The following SPOCK3 variants were observed in gnomAD, a reference collection of about 807,000 sequenced individuals.
SPOCK3 encodes the protein testican-3.
SPOCK3 carries 30 observed loss-of-function variants against 56.6 expected under a neutral mutation model. That is an observed-to-expected ratio of 0.53 (90% CI 0.40 to 0.72). The LOEUF is 0.72. SPOCK3 is among the 30% of genes least tolerant of loss of function. The pLI, the probability that SPOCK3 is intolerant of heterozygous loss-of-function variation, is 0.00. For synonymous variants in SPOCK3, 196 were observed against 183.3 expected (o/e 1.07, Z -0.56); for missense variants, 527 against 530.0 (o/e 0.99, Z 0.06).
intron 6 of SPOCK3, among the ~76,000 whole-genome samples, chr4:166,806,689 G>A (rs1252785120): frequency 6.6e-6 from 1 of 151,850 alleles, no homozygotes; most frequent in African/African-American, 2.4e-5. Flanking sequence ...TGTTTCTTTG[G>A]ATTATTAGTG....
chr4:167,050,436 C>T (rs1311290064), intron 3 of SPOCK3, among the ~76,000 whole-genome samples: 1 of 151,998 alleles, frequency 6.6e-6, no homozygotes, highest in African/African-American at 2.4e-5. Flanking sequence ...AAAATTGGAA[C>T]CCTGTGGATT....
chr4:166,820,229 G>A (rs1465303569), intron 6 of SPOCK3, among the ~76,000 whole-genome samples: 1 of 152,018 alleles, frequency 6.6e-6, no homozygotes, highest in Admixed American at 6.6e-5. Context: ...TCACAAAAAA[G>A]TGATGACACA....
intron 5 of SPOCK3, among the ~76,000 whole-genome samples, chr4:166,900,819 G>A (rs990649293): frequency 2.0e-5 from 3 of 152,070 alleles, no homozygotes; most frequent in Non-Finnish European, 4.4e-5. Context: ...TTTAGTGATC[G>A]TAATGGGACC....
intron 5 of SPOCK3, among the ~76,000 whole-genome samples, chr4:166,898,896 T>C (rs1735699555): frequency 6.6e-6 from 1 of 152,150 alleles, no homozygotes; most frequent in Admixed American, 6.5e-5. Flanking sequence ...CCAGAAGGGA[T>C]GAGCATTTGA....
At chr4:167,053,371 C>T (rs1013461016) in intron 3 of SPOCK3, among the ~76,000 whole-genome samples, 1 of 152,070 alleles carries the variant, frequency 6.6e-6, no homozygotes, top group Non-Finnish European at 1.5e-5. Flanking sequence ...CATACCTCCT[C>T]TTTGGGAACT....
At chr4:166,989,493 T>G (rs1747539346) in intron 4 of SPOCK3, among the ~76,000 whole-genome samples, 1 of 152,130 alleles carries the variant, frequency 6.6e-6, no homozygotes, top group Non-Finnish European at 1.5e-5. Context: ...ATTCCAGTAT[T>G]TTTTGTGTCT....
At chr4:167,039,412 G>T (rs1384812733) in intron 3 of SPOCK3, among the ~76,000 whole-genome samples, 1 of 152,204 alleles carries the variant, frequency 6.6e-6, no homozygotes, top group African/African-American at 2.4e-5. Flanking sequence ...CTTCATAGGT[G>T]ACAATAACAC....
intron 2 of SPOCK3, among the ~76,000 whole-genome samples, chr4:167,186,288 C>T (rs1170081621): frequency 6.6e-6 from 1 of 152,114 alleles, no homozygotes; most frequent in East Asian, 1.9e-4. Context: ...AATACATATT[C>T]CAGCTTTACA....
chr4:167,215,919 T>G (rs759559186), intron 2 of SPOCK3, among the ~76,000 whole-genome samples: 5 of 152,158 alleles, frequency 3.3e-5, no homozygotes, highest in Non-Finnish European at 7.4e-5. Context: ...ATTTGCTCCC[T>G]GAGGCTGAGC....
intron 6 of SPOCK3, among the ~76,000 whole-genome samples, chr4:166,850,648 C>T (rs913711163): frequency 6.6e-6 from 1 of 152,246 alleles, no homozygotes; most frequent in East Asian, 1.9e-4. Flanking sequence ...GGCATTGCCT[C>T]ACTCGGGAAG....
chr4:167,024,297 G>C (rs1010015810), intron 3 of SPOCK3, among the ~76,000 whole-genome samples: 2 of 151,988 alleles, frequency 1.3e-5, no homozygotes, highest in East Asian at 3.9e-4. Flanking sequence ...AATTAAAAAT[G>C]AGTTTAGAAA....
chr4:167,028,831 C>G (rs1165762460), intron 3 of SPOCK3, among the ~76,000 whole-genome samples: 1 of 152,050 alleles, frequency 6.6e-6, no homozygotes, highest in Non-Finnish European at 1.5e-5. Flanking sequence ...ACTTCATAAA[C>G]TAACTTAACT....
At chr4:167,231,154 A>T (rs553513162) in intron 2 of SPOCK3, among the ~76,000 whole-genome samples, 1 of 152,072 alleles carries the variant, frequency 6.6e-6, no homozygotes, top group South Asian at 2.1e-4. Context: ...AAAGAGTAAC[A>T]TTTATTTTTA....
At chr4:166,749,840 A>G (rs1736147333) in intron 8 of SPOCK3, among the ~76,000 whole-genome samples, 2 of 152,124 alleles carry the variant, frequency 1.3e-5, no homozygotes, top group African/African-American at 4.8e-5. Flanking sequence ...TTAAAATTTT[A>G]TAGCTCTCCA....
intron 6 of SPOCK3, among the ~76,000 whole-genome samples, chr4:166,840,008 C>A (rs1426888245): frequency 6.6e-6 from 1 of 152,206 alleles, no homozygotes; most frequent in Non-Finnish European, 1.5e-5. Flanking sequence ...GTTTGCAATT[C>A]TTTGCTAACT....
intron 2 of SPOCK3, among the ~76,000 whole-genome samples, chr4:167,212,340 CAA>C (rs1734956302): frequency 6.6e-6 from 1 of 151,686 alleles, no homozygotes; most frequent in Non-Finnish European, 1.5e-5. Context: ...CTTCCAGTTG[CAA>C]GAGAATTTCC....
At chr4:167,071,517 T>G (rs1278680730) in intron 2 of SPOCK3, among the ~76,000 whole-genome samples, 1 of 152,050 alleles carries the variant, frequency 6.6e-6, no homozygotes, top group Non-Finnish European at 1.5e-5. Context: ...TCTGATAGTT[T>G]GCTGAGAATG....
chr4:166,979,065 C>G (rs1414567143), intron 4 of SPOCK3, among the ~76,000 whole-genome samples: 1 of 152,116 alleles, frequency 6.6e-6, no homozygotes. Flanking sequence ...GTTCTAAGAA[C>G]TGTGGTTATC....
chr4:166,853,498 T>C (rs1184020134), intron 6 of SPOCK3, among the ~76,000 whole-genome samples: 1 of 152,184 alleles, frequency 6.6e-6, no homozygotes, highest in Non-Finnish European at 1.5e-5. Flanking sequence ...ACCTTTTAAT[T>C]TGGTGTTCAC....
Sources: gnomAD v4.1 joint callset for allele counts (sites outside exome capture counted in the v4.1 genomes callset) on GRCh38, gnomAD v4.1.1 for gene constraint, MANE v1.5 for transcripts, NCBI Gene and HGNC (gene_info 2026-07-23, HGNC 2026-07-21) for gene names.